PRKCI: variants seen among roughly 807,000 people sequenced by gnomAD.
PRKCI encodes protein kinase C iota type.
A neutral mutation model predicts 84.0 loss-of-function variants in PRKCI; 43 were observed. The observed-to-expected ratio is 0.51, with a 90% CI of 0.40 to 0.66. The LOEUF (loss-of-function observed/expected upper bound fraction) is 0.66. Ranked by LOEUF, PRKCI falls within the 30% of genes least tolerant of loss-of-function variation. The pLI is 0.00. For missense variants in PRKCI, 459 were observed against 745.6 expected (o/e 0.62, Z 4.48); for synonymous variants, 216 against 234.4 (o/e 0.92, Z 0.72).
intron 12 of PRKCI, among the ~76,000 whole-genome samples, chr3:170,290,823 A>AT (rs201653350): frequency 6.6e-6 from 1 of 151,406 alleles, no homozygotes; most frequent in Non-Finnish European, 1.5e-5. Context: ...GTTTTGCCTT[A>AT]TTTTTTTTCC....
At chr3:170,283,673 T>C (rs1213922291) in intron 11 of PRKCI, among the ~76,000 whole-genome samples, 1 of 146,760 alleles carries the variant, frequency 6.8e-6, no homozygotes, top group Non-Finnish European at 1.5e-5. Context: ...GTTTTTACTA[T>C]ATTAATGTGC....
At chr3:170,295,589 G>A (rs1734669307) in intron 14 of PRKCI, among the ~76,000 whole-genome samples, 1 of 150,282 alleles carries the variant, frequency 6.7e-6, no homozygotes, top group Non-Finnish European at 1.5e-5. Context: ...AGTGGTAGAA[G>A]CACTTGAACC....
At chr3:170,279,599 C>T (rs28647914) in intron 8 of PRKCI, among the ~76,000 whole-genome samples, 7,168 of 152,226 alleles carry the variant, frequency 0.047, 549 homozygotes, top group African/African-American at 0.16. Flanking sequence ...AATTTTAAGG[C>T]TTACTTTGTC....
At chr3:170,228,552 G>T (rs1732693076) in intron 1 of PRKCI, among the ~76,000 whole-genome samples, 1 of 151,754 alleles carries the variant, frequency 6.6e-6, no homozygotes, top group African/African-American at 2.4e-5. Flanking sequence ...TCCAGCCTGG[G>T]CAACAGAGTG....
At position 170,263,092 on chromosome 3, in the gene PRKCI, C is replaced by T. The variant is rs200896591; in HGVS notation, c.314-287C>T. On this transcript the variant is annotated intron_variant, in intron 3 of 17. Transcript: ENST00000295797. ...GCTGAGGCAGGAGAATGGCGTGAAC[C>T]CGGGAGGCGGAGCTTGCAGTGAGTC... Among the ~76,000 whole-genome samples, 85 of 151,168 alleles carry T rather than the reference C, an allele frequency of 5.6e-4. 3 individuals carry two copies. The East Asian group carries it at 6.6e-3, about 12-fold the overall frequency.
intron 12 of PRKCI, among the ~76,000 whole-genome samples, chr3:170,285,446 T>C (rs898341078): frequency 6.6e-6 from 1 of 152,170 alleles, no homozygotes; most frequent in Non-Finnish European, 1.5e-5. Flanking sequence ...TCCCACTAAA[T>C]GTGTAAGGAA....
intron 8 of PRKCI, among the ~76,000 whole-genome samples, chr3:170,278,743 G>C (rs1177244663): frequency 1.3e-5 from 2 of 152,220 alleles, no homozygotes; most frequent in South Asian, 2.1e-4. Flanking sequence ...GGTTCTGCAG[G>C]CTGATCAGTA....
chr3:170,293,343 C>G, intron 13 of PRKCI, 40 bp from the exon 14 acceptor site: 3 of 1,556,410 alleles, frequency 1.9e-6, no homozygotes, highest in Non-Finnish European at 2.6e-6. Context: ...TTCAAGAATG[C>G]AAAGTGTATA....
intron 2 of PRKCI, among the ~76,000 whole-genome samples, chr3:170,236,107 ATT>A (rs11407334): frequency 6.9e-6 from 1 of 145,864 alleles, no homozygotes. Context: ...TTTAATTTAA[ATT>A]TTTTTTTTTT....
intron 12 of PRKCI, 67 bp from the exon 13 acceptor site, chr3:170,291,787 A>ATCT (rs1400729022): frequency 7.9e-7 from 1 of 1,260,906 alleles, no homozygotes; most frequent in Non-Finnish European, 1.2e-6. Flanking sequence ...GATAGGTGAA[A>ATCT]TAGAAAGGGT....
At chr3:170,259,164 G>A (rs554581385) in intron 2 of PRKCI, among the ~76,000 whole-genome samples, 2 of 152,110 alleles carry the variant, frequency 1.3e-5, no homozygotes, top group South Asian at 4.1e-4. Context: ...GAAAAAAAAT[G>A]TGGTCAGGAA....
intron 2 of PRKCI, among the ~76,000 whole-genome samples, chr3:170,247,970 C>T (rs1042851149): frequency 2.0e-4 from 31 of 152,010 alleles, no homozygotes; most frequent in Middle Eastern, 3.2e-3. Context: ...TAAGGGAGTA[C>T]AGTGACTTTT....
At chr3:170,226,688 G>T (rs1467945446) in intron 1 of PRKCI, among the ~76,000 whole-genome samples, 1 of 152,154 alleles carries the variant, frequency 6.6e-6, no homozygotes, top group East Asian at 1.9e-4. Flanking sequence ...TTCTTACTGT[G>T]AACAAGTCTT....
At chr3:170,282,813 T>C (rs1038209059) in intron 11 of PRKCI, among the ~76,000 whole-genome samples, 1 of 150,796 alleles carries the variant, frequency 6.6e-6, no homozygotes, top group African/African-American at 2.4e-5. Flanking sequence ...ATGAATAAAA[T>C]AATATCGAAT....
At position 170,222,462 on chromosome 3, in the gene PRKCI, C is replaced by G; in HGVS notation, c.-208C>G. On this transcript the variant is annotated 5_prime_UTR_variant, in exon 1 of 18. Coordinates refer to ENST00000295797, the MANE Select transcript of PRKCI (RefSeq NM_002740.6). ...TCTTGGGCCCGGGCGGCTGTAGAGGCGGCGGCGCCTACGGGCAGTGGGAGG... is the reference window on the plus strand; with the variant it reads ...TCTTGGGCCCGGGCGGCTGTAGAGGGGGCGGCGCCTACGGGCAGTGGGAGG... 2.2e-6 allele frequency: 1 copy of G among 462,030 alleles called. No homozygotes were observed. Among genetic ancestry groups the G allele is most frequent in the Non-Finnish European group, 3.7e-6 (1 of 266,716 alleles). 28.6% of individuals were successfully genotyped at this position (462,030 alleles called of 1,614,324 possible).
At chr3:170,265,244 G>A (rs1733829753) in intron 4 of PRKCI, among the ~76,000 whole-genome samples, 1 of 151,690 alleles carries the variant, frequency 6.6e-6, no homozygotes, top group South Asian at 2.1e-4. Context: ...ATAAACTCTT[G>A]GACTGGGGCT....
At chr3:170,285,476 C>G (rs951324293) in intron 12 of PRKCI, among the ~76,000 whole-genome samples, 2 of 152,170 alleles carry the variant, frequency 1.3e-5, no homozygotes, top group Non-Finnish European at 2.9e-5. Context: ...GTTAAGGTAA[C>G]TGGTACAAAA....
chr3:170,261,968 T>C (rs898761387), intron 3 of PRKCI, among the ~76,000 whole-genome samples: 2 of 152,188 alleles, frequency 1.3e-5, no homozygotes, highest in South Asian at 2.1e-4. Context: ...TTAAGTCTTA[T>C]TGCCTTTTAA....
intron 2 of PRKCI, among the ~76,000 whole-genome samples, chr3:170,238,737 G>A (rs1023087670): frequency 1.8e-4 from 28 of 151,696 alleles, no homozygotes; most frequent in Admixed American, 6.6e-5. Flanking sequence ...GATTACAAGC[G>A]TGCAACACCA....
Sources: gnomAD v4.1 joint callset for allele counts (sites outside exome capture counted in the v4.1 genomes callset) on GRCh38, gnomAD v4.1.1 for gene constraint, MANE v1.5 for transcripts, NCBI Gene and HGNC (gene_info 2026-07-23, HGNC 2026-07-21) for gene names.